Variants in CACNA2D1 observed in about 807,000 individuals in gnomAD.
The protein encoded by CACNA2D1 is calcium voltage-gated channel auxiliary subunit alpha2delta 1, also known as voltage-dependent calcium channel subunit alpha-2/delta-1.
CACNA2D1 carries 53 observed loss-of-function variants against 171.5 expected under a neutral mutation model. That is an observed-to-expected ratio of 0.31 (90% CI 0.25 to 0.39). The LOEUF (loss-of-function observed/expected upper bound fraction) is 0.39, where lower values mean the gene tolerates loss of function less well. CACNA2D1 is among the 10% of genes least tolerant of loss of function. The probability of loss-of-function intolerance (pLI) is 1.00; values close to 1 mark genes in which losing one functional copy is unlikely to be tolerated. For missense variants in CACNA2D1, 903 were observed against 1,299.8 expected (o/e 0.69, Z 4.69); for synonymous variants, 442 against 443.1 (o/e 1.00, Z 0.03).
chr7:82,391,709 G>A (rs1167022211), intron 1 of CACNA2D1, among the ~76,000 whole-genome samples: 1 of 152,172 alleles, frequency 6.6e-6, no homozygotes, highest in Non-Finnish European at 1.5e-5. Flanking sequence ...AAAGGGGACT[G>A]GAAAGGGGAT....
chr7:82,290,070 T>C (rs539378949), intron 3 of CACNA2D1, among the ~76,000 whole-genome samples: 13 of 152,334 alleles, frequency 8.5e-5, no homozygotes, highest in African/African-American at 2.9e-4. Context: ...ATTTCAGAAG[T>C]TGTTCCTATT....
In CACNA2D1 at chr7:82,117,152, G is replaced by A. The variant is rs1789151263; in HGVS notation, c.418C>T (p.Pro140Ser). 2.1e-5 allele frequency: 34 copies of A among 1,613,590 alleles called. No individual in the cohort carries two copies. The highest frequency in any genetic ancestry group is 2.8e-5 in the Non-Finnish European group (33 of 1,179,760). ...ACAGGTTTTATCCTCTGGCTGCCTGGCTCACTGTCATTTTTCTCAGGCTAT... is the reference window on the plus strand; with the variant it reads ...ACAGGTTTTATCCTCTGGCTGCCTGACTCACTGTCATTTTTCTCAGGCTAT... ...DLDPEKNDSEPGSQRIKPVFI... is the reference protein window; with the variant it reads ...DLDPEKNDSESGSQRIKPVFI... The change falls in exon 6 of 39, where the codon CCA (proline) becomes TCA (serine). Residue 140 changes from proline (P) to serine (S), a missense_variant. By Grantham distance (74) the Pro-to-Ser change is moderately conservative (BLOSUM62 -1). Transcript: ENST00000356860.
chr7:82,396,734 T>C (rs1304818652), intron 1 of CACNA2D1, among the ~76,000 whole-genome samples: 1 of 152,210 alleles, frequency 6.6e-6, no homozygotes, highest in Non-Finnish European at 1.5e-5. Flanking sequence ...GAAATCTAAC[T>C]ATAATGAAAC....
chr7:82,363,983 C>T (rs1821394204), intron 1 of CACNA2D1, among the ~76,000 whole-genome samples: 1 of 152,164 alleles, frequency 6.6e-6, no homozygotes, highest in African/African-American at 2.4e-5. Flanking sequence ...CCTGTAATCC[C>T]AGCACTTTGG....
At chr7:82,218,408 A>G (rs142506138) in intron 3 of CACNA2D1, among the ~76,000 whole-genome samples, 1 of 152,314 alleles carries the variant, frequency 6.6e-6, no homozygotes, top group African/African-American at 2.4e-5. Context: ...CCTCCAGACC[A>G]AGAAGCAGTA....
At chr7:81,984,585 G>C in intron 22 of CACNA2D1, 50 bp downstream of exon 22, 2 of 975,096 alleles carry the variant, frequency 2.1e-6, no homozygotes, top group Non-Finnish European at 3.2e-6. Flanking sequence ...TTAAACATCT[G>C]ATACTAGGAG....
rs558451887 is a variant in CACNA2D1 at position 82,114,191 on chromosome 7, T to A, written c.526+2853A>T. ...ATATGTATGCCTATGTAAACATTTT[T>A]AAAAAAATTTTTTAAAAATTTACGT... On this transcript the variant is annotated intron_variant, in intron 6 of 38. Coordinates refer to ENST00000356860, the MANE Select transcript of CACNA2D1 (RefSeq NM_000722.4). 7.9e-5 allele frequency among the ~76,000 whole-genome samples: 12 copies of A among 152,280 alleles called. No individual in the cohort carries two copies. In the East Asian group the frequency reaches 1.3e-3, roughly 17 times the overall value.
chr7:82,370,950 C>T (rs1005384970), intron 1 of CACNA2D1, among the ~76,000 whole-genome samples: 2 of 152,044 alleles, frequency 1.3e-5, no homozygotes, highest in Admixed American at 1.3e-4. Flanking sequence ...ACAGACTTAT[C>T]CAAATGTATA....
chr7:82,247,011 G>A (rs1040652658), intron 3 of CACNA2D1, among the ~76,000 whole-genome samples: 1 of 152,106 alleles, frequency 6.6e-6, no homozygotes, highest in African/African-American at 2.4e-5. Context: ...AAATGTGCTG[G>A]ACAGAGTCCA....
chr7:82,002,236 C>T (rs777473092), intron 18 of CACNA2D1, among the ~76,000 whole-genome samples: 6 of 151,954 alleles, frequency 3.9e-5, no homozygotes, highest in East Asian at 1.9e-4. Context: ...TTGTAAAAGA[C>T]GCCCTAGAGA....
intron 3 of CACNA2D1, among the ~76,000 whole-genome samples, chr7:82,273,533 G>A (rs916656160): frequency 2.6e-5 from 4 of 151,800 alleles, no homozygotes; most frequent in Admixed American, 6.6e-5. Context: ...TGCCTGGGCT[G>A]TAGCTATTCA....
At chr7:82,040,394 A>T (rs1803791408) in intron 10 of CACNA2D1, among the ~76,000 whole-genome samples, 2 of 151,380 alleles carry the variant, frequency 1.3e-5, no homozygotes, top group South Asian at 4.2e-4. Context: ...GTACATGTCA[A>T]GAAATGATAA....
Position 82,117,156 on chromosome 7 carries a change from A to G in CACNA2D1, c.414T>C (p.Ser138=), listed in dbSNP as rs780506263. Residue 138 remains serine, a synonymous_variant, in exon 6 of 39, where the codon AGT becomes AGC. Coordinates refer to ENST00000356860, the MANE Select transcript of CACNA2D1 (RefSeq NM_000722.4). ...KDDLDPEKND[S]EPGSQRIKPV... ...GTTTTATCCTCTGGCTGCCTGGCTC[A>G]CTGTCATTTTTCTCAGGCTATATAG... 2 of 1,613,810 alleles carry G rather than the reference A, an allele frequency of 1.2e-6. No individual in the cohort carries two copies. The highest frequency in any genetic ancestry group is 1.7e-6 in the Non-Finnish European group (2 of 1,179,850).
intron 4 of CACNA2D1, among the ~76,000 whole-genome samples, chr7:82,146,409 T>A (rs1007525640): frequency 1.4e-5 from 2 of 144,844 alleles, no homozygotes; most frequent in South Asian, 4.2e-4. Flanking sequence ...GATATATATT[T>A]ATATATATCT....
At chr7:82,431,328 C>T (rs577918797) in intron 1 of CACNA2D1, among the ~76,000 whole-genome samples, 4 of 152,312 alleles carry the variant, frequency 2.6e-5, no homozygotes, top group African/African-American at 4.8e-5. Context: ...CCACATAAGG[C>T]ACACATAATG....
At chr7:82,425,743 G>T (rs759446879) in intron 1 of CACNA2D1, among the ~76,000 whole-genome samples, 1 of 150,936 alleles carries the variant, frequency 6.6e-6, no homozygotes, top group East Asian at 2.0e-4. Context: ...TCATCCTCCC[G>T]CCTCAGCCTC....
chr7:81,971,633 T>C (rs1402186202), intron 26 of CACNA2D1, 144 bp downstream of exon 26: 3 of 620,524 alleles, frequency 4.8e-6, no homozygotes, highest in Non-Finnish European at 8.7e-6. Flanking sequence ...ATGCAAGTTG[T>C]CAACAACTGT....
At chr7:82,085,447 C>T (rs1810341088) in intron 6 of CACNA2D1, among the ~76,000 whole-genome samples, 1 of 149,774 alleles carries the variant, frequency 6.7e-6, no homozygotes, top group Non-Finnish European at 1.5e-5. Context: ...CACCTTAGGA[C>T]AGAGTTTTAA....
intron 3 of CACNA2D1, among the ~76,000 whole-genome samples, chr7:82,197,405 A>G (rs530070453): frequency 1.3e-5 from 2 of 152,242 alleles, no homozygotes; most frequent in South Asian, 2.1e-4. Context: ...AGAAATGTTT[A>G]AAATCATGTA....
Sources: allele counts gnomAD v4.1 joint callset (sites outside exome capture counted in the v4.1 genomes callset), GRCh38; gene constraint gnomAD v4.1.1; transcripts MANE v1.5; gene names NCBI Gene and HGNC (gene_info 2026-07-23, HGNC 2026-07-21).